Variants in LPAR6 observed in about 807,000 individuals in gnomAD.
The protein encoded by LPAR6 is lysophosphatidic acid receptor 6.
In LPAR6, 17 loss-of-function variants were observed where a neutral mutation model predicts 22.0. That is an observed-to-expected ratio of 0.77 (90% CI 0.53 to 1.16). The LOEUF is 1.16. Ranked by LOEUF, LPAR6 falls within the 50% of genes most tolerant of loss-of-function variation. The probability of loss-of-function intolerance (pLI) is 0.00; values close to 1 mark genes in which losing one functional copy is unlikely to be tolerated. For synonymous variants in LPAR6, 136 were observed against 139.8 expected (o/e 0.97, Z 0.19); for missense variants, 384 against 406.9 (o/e 0.94, Z 0.48).
At chr13:48,399,878 C>T (rs886649898) in intron 1 of LPAR6, among the ~76,000 whole-genome samples, 3 of 151,962 alleles carry the variant, frequency 2.0e-5, no homozygotes, top group Non-Finnish European at 4.4e-5. Flanking sequence ...AACACTCTGA[C>T]ATATGAAAAA....
chr13:48,433,128 G>T (rs1949146963), intron 1 of LPAR6, among the ~76,000 whole-genome samples: 1 of 151,924 alleles, frequency 6.6e-6, no homozygotes, highest in South Asian at 2.1e-4. Flanking sequence ...ATTAATTTCT[G>T]ATATGAACAT....
In LPAR6 at chr13:48,411,501, G is replaced by A. The variant is rs1399641405; in HGVS notation, c.923C>T (p.Ser308Phe). The change falls in exon 1 of 1, where the codon TCT becomes TTT. Residue 308 changes from serine (S) to phenylalanine (F), a missense_variant. Coordinates refer to ENST00000620633, the MANE Select transcript of LPAR6 (RefSeq NM_001162498.3). Reference protein sequence around the residue: ...IQNSIKMKNWSVRRSDFRFSE... With the variant: ...IQNSIKMKNWFVRRSDFRFSE... ...GAATCTGAAGTCACTTCTCCTGACA[G>A]ACCAGTTTTTCATTTTTATTGAATT... 6.2e-7 allele frequency: 1 copy of A among 1,612,586 alleles called. No homozygotes were observed. The highest frequency in any genetic ancestry group is 1.7e-5 in the Admixed American group (1 of 59,848).
intron 1 of LPAR6, among the ~76,000 whole-genome samples, chr13:48,426,410 G>A (rs562891998): frequency 1.3e-5 from 2 of 152,290 alleles, no homozygotes; most frequent in South Asian, 2.1e-4. Context: ...CACTGCTAAT[G>A]TACAGCCAAT....
intron 2 of LPAR6, among the ~76,000 whole-genome samples, chr13:48,422,356 G>A (rs557124337): frequency 1.3e-5 from 2 of 152,112 alleles, no homozygotes; most frequent in Admixed American, 6.5e-5. Context: ...ATCACACATC[G>A]GGGCCTGTCG....
intron 1 of LPAR6, among the ~76,000 whole-genome samples, chr13:48,433,463 GA>G (rs1949150629): frequency 3.3e-5 from 5 of 152,036 alleles, no homozygotes; most frequent in Admixed American, 3.3e-4. Context: ...CTTTTTCAGG[GA>G]CTCCCTCAGA....
At chr13:48,408,627 A>T (rs557617385), downstream of LPAR6, 1 of 152,270 alleles carries the variant, frequency 6.6e-6, no homozygotes, top group South Asian at 2.1e-4. Context: ...GACTTACCAC[A>T]AAGTACAACA....
chr13:48,393,194 AC>A (rs745321853), intron 1 of LPAR6, among the ~76,000 whole-genome samples: 3 of 152,212 alleles, frequency 2.0e-5, no homozygotes, highest in Admixed American at 6.5e-5. Context: ...ACATCCATGC[AC>A]TGATCAGTAC....
chr13:48,431,256 T>G (rs1048596296), upstream of LPAR6, among the ~76,000 whole-genome samples: 1 of 152,102 alleles, frequency 6.6e-6, no homozygotes, highest in African/African-American at 2.4e-5. Context: ...ATATTTGTAT[T>G]TTTTTTAAGT....
chr13:48,440,697 G>T lies in LPAR6; in HGVS notation c.-1474+3856C>A, dbSNP rs80103859. 0.012 allele frequency among the ~76,000 whole-genome samples: 1,759 copies of T among 152,162 alleles called. 67 individuals are homozygous for T. In the East Asian group the frequency reaches 0.12, roughly 10 times the overall value. ...CTTAGTTAAATTTAAAATTGTAGTT[G>T]CACTCATAGATAAAGGGTTTTCTTT... On this transcript the variant is annotated intron_variant, in intron 1 of 6. Transcript: ENST00000378434.
At chr13:48,425,506 G>A (rs865784560) in intron 1 of LPAR6, among the ~76,000 whole-genome samples, 8 of 152,124 alleles carry the variant, frequency 5.3e-5, no homozygotes, top group Admixed American at 3.3e-4. Context: ...TAGTTTAGAC[G>A]CTGCAAAGTG....
At chr13:48,434,891 A>G (rs1949167462) in intron 1 of LPAR6, among the ~76,000 whole-genome samples, 2 of 152,248 alleles carry the variant, frequency 1.3e-5, no homozygotes, top group South Asian at 4.1e-4. Context: ...TGCATGTATC[A>G]ATAGTTCATA....
intron 1 of LPAR6, among the ~76,000 whole-genome samples, chr13:48,441,648 C>T (rs933916245): frequency 6.6e-6 from 1 of 151,960 alleles, no homozygotes; most frequent in Non-Finnish European, 1.5e-5. Flanking sequence ...GTGTTATTTA[C>T]TAGAAAATAA....
chr13:48,435,325 A>G (rs1478417287), intron 1 of LPAR6, among the ~76,000 whole-genome samples: 1 of 152,188 alleles, frequency 6.6e-6, no homozygotes, highest in Non-Finnish European at 1.5e-5. Flanking sequence ...AGCTAATGAT[A>G]TTGATTAACC....
At chr13:48,422,427 A>C (rs1211750644) in intron 2 of LPAR6, among the ~76,000 whole-genome samples, 1 of 152,200 alleles carries the variant, frequency 6.6e-6, no homozygotes, top group East Asian at 1.9e-4. Context: ...TGATGGGTTG[A>C]TGGGTGCAGC....
intron 1 of LPAR6, among the ~76,000 whole-genome samples, chr13:48,398,090 C>T (rs368582416): frequency 5.9e-5 from 9 of 152,178 alleles, no homozygotes; most frequent in Admixed American, 1.3e-4. Context: ...CAGTATGATG[C>T]CATATATACT....
chr13:48,430,602 T>C (rs1291693310), upstream of LPAR6, among the ~76,000 whole-genome samples: 2 of 152,084 alleles, frequency 1.3e-5, no homozygotes, highest in African/African-American at 4.8e-5. Flanking sequence ...TAGCTGGGCA[T>C]GGTGGCACGT....
At chr13:48,442,520 T>C (rs1428092732) in intron 1 of LPAR6, among the ~76,000 whole-genome samples, 1 of 152,208 alleles carries the variant, frequency 6.6e-6, no homozygotes, top group African/African-American at 2.4e-5. Flanking sequence ...GAAGGTAACT[T>C]TCCTACTGTA....
intron 1 of LPAR6, among the ~76,000 whole-genome samples, chr13:48,404,715 C>T (rs1164296647): frequency 6.6e-6 from 1 of 151,792 alleles, no homozygotes; most frequent in Non-Finnish European, 1.5e-5. Flanking sequence ...TTAGTAGAGA[C>T]GGGTTTTCAC....
intron 2 of LPAR6, among the ~76,000 whole-genome samples, chr13:48,420,794 C>T (rs1484666045): frequency 6.6e-6 from 1 of 152,038 alleles, no homozygotes; most frequent in African/African-American, 2.4e-5. Context: ...ACAAATGCTA[C>T]AAAGAGAATA....
Sources: gnomAD v4.1 joint callset for allele counts (sites outside exome capture counted in the v4.1 genomes callset) on GRCh38, gnomAD v4.1.1 for gene constraint, MANE v1.5 for transcripts, NCBI Gene and HGNC (gene_info 2026-07-23, HGNC 2026-07-21) for gene names.